KCNMB2: variants seen among roughly 807,000 people sequenced by gnomAD.
KCNMB2 encodes calcium-activated potassium channel subunit beta-2.
A neutral mutation model predicts 24.5 loss-of-function variants in KCNMB2; 9 were observed. That is an observed-to-expected ratio of 0.37 (90% CI 0.22 to 0.64). The LOEUF is 0.64. Ranked by LOEUF, KCNMB2 falls within the 30% of genes least tolerant of loss-of-function variation. The pLI is 0.63. For synonymous variants in KCNMB2, 109 were observed against 104.4 expected (o/e 1.04, Z -0.27); for missense variants, 226 against 284.3 (o/e 0.79, Z 1.47).
At chr3:178,720,227 A>G (rs1262289001) in intron 1 of KCNMB2, among the ~76,000 whole-genome samples, 1 of 151,538 alleles carries the variant, frequency 6.6e-6, no homozygotes, top group African/African-American at 2.4e-5. Flanking sequence ...GAGAACATGC[A>G]GTGTTTGGTT....
intron 1 of KCNMB2, among the ~76,000 whole-genome samples, chr3:178,732,926 G>A (rs934407727): frequency 6.6e-6 from 1 of 152,094 alleles, no homozygotes; most frequent in Non-Finnish European, 1.5e-5. Flanking sequence ...CATGACTCTG[G>A]GATTCACTTT....
intron 2 of KCNMB2, among the ~76,000 whole-genome samples, chr3:178,817,556 ACTG>A (rs1714458675): frequency 6.6e-6 from 1 of 152,196 alleles, no homozygotes; most frequent in Non-Finnish European, 1.5e-5. Context: ...AGCTGTGCTC[ACTG>A]AAGCTCTGAA....
chr3:178,638,998 A>G (rs1719627767), intron 1 of KCNMB2, among the ~76,000 whole-genome samples: 1 of 152,184 alleles, frequency 6.6e-6, no homozygotes. Flanking sequence ...TGGTAGCTAC[A>G]GATTTCATGT....
rs913317193 is a variant in KCNMB2, at chr3:178,680,984, A to C, written c.-67-126359A>C. ...CCAATCAGTAGAAGCTCCAGGAGGC[A>C]GATTGTGACTTTTCTCACAGTCAGA... On this transcript the variant is annotated intron_variant, in intron 1 of 4. Transcript: ENST00000452583. 2.0e-5 allele frequency among the ~76,000 whole-genome samples: 3 copies of C among 152,222 alleles called. No individual in the cohort carries two copies. In the East Asian group the frequency reaches 5.8e-4, roughly 29 times the overall value.
At chr3:178,819,467 A>T (rs921923758) in intron 2 of KCNMB2, among the ~76,000 whole-genome samples, 1 of 151,748 alleles carries the variant, frequency 6.6e-6, no homozygotes, top group Non-Finnish European at 1.5e-5. Context: ...CTTGTCCCAG[A>T]CACCCTCGGC....
intron 1 of KCNMB2, among the ~76,000 whole-genome samples, chr3:178,569,736 G>A (rs1716702457): frequency 6.6e-6 from 1 of 152,110 alleles, no homozygotes. Context: ...AAATATTTAG[G>A]ATAATGAATT....
At chr3:178,674,143 A>C (rs1720994967) in intron 1 of KCNMB2, among the ~76,000 whole-genome samples, 1 of 146,572 alleles carries the variant, frequency 6.8e-6, no homozygotes, top group Non-Finnish European at 1.5e-5. Context: ...CCCACTGGCC[A>C]CTCTCTTTCA....
chr3:178,636,267 T>C (rs1471024931), intron 1 of KCNMB2, among the ~76,000 whole-genome samples: 1 of 151,420 alleles, frequency 6.6e-6, no homozygotes, highest in Non-Finnish European at 1.5e-5. Context: ...GGGAGGGGAG[T>C]GAGGGATAAA....
At chr3:178,708,560 T>C (rs757775971) in intron 1 of KCNMB2, among the ~76,000 whole-genome samples, 3 of 152,060 alleles carry the variant, frequency 2.0e-5, no homozygotes, top group Non-Finnish European at 2.9e-5. Context: ...TATAGAAACC[T>C]CCATACCATA....
chr3:178,586,223 A>G, intron 1 of KCNMB2, among the ~76,000 whole-genome samples: 1 of 152,196 alleles, frequency 6.6e-6, no homozygotes, highest in South Asian at 2.1e-4. Context: ...GATTCCTTCC[A>G]TCTTTGACTT....
intron 1 of KCNMB2, among the ~76,000 whole-genome samples, chr3:178,722,285 G>A (rs980360415): frequency 5.3e-5 from 8 of 152,228 alleles, no homozygotes; most frequent in Non-Finnish European, 8.8e-5. Flanking sequence ...TAGCCTTGTT[G>A]AAAAGACTTG....
chr3:178,606,157 G>C (rs540086981), intron 1 of KCNMB2, among the ~76,000 whole-genome samples: 1 of 152,182 alleles, frequency 6.6e-6, no homozygotes, highest in Non-Finnish European at 1.5e-5. Context: ...TTATAGATAC[G>C]TTTTATAGTA....
intron 1 of KCNMB2, among the ~76,000 whole-genome samples, chr3:178,567,216 C>T (rs181586320): frequency 3.3e-4 from 50 of 152,094 alleles, no homozygotes; most frequent in African/African-American, 8.9e-4. Context: ...TGAGAGTACA[C>T]ATGTGTGAGA....
Position 178,787,910 on chromosome 3 carries a change from A to G in KCNMB2, c.-67-19433A>G, listed in dbSNP as rs1036528696. Among the ~76,000 whole-genome samples, 3 of 152,302 alleles carry G rather than the reference A, an allele frequency of 2.0e-5. No homozygotes were observed. In the East Asian group the frequency reaches 5.8e-4, roughly 29 times the overall value. ...AATGAACAGTTATGTGAACTGAGAA[A>G]ATTACTTAGTTTCCTGAAAATTAGT... On this transcript the variant is annotated intron_variant, in intron 1 of 4. Coordinates refer to ENST00000452583, the MANE Select transcript of KCNMB2 (RefSeq NM_181361.3).
chr3:178,788,241 G>A (rs940812674), intron 1 of KCNMB2, among the ~76,000 whole-genome samples: 1 of 152,110 alleles, frequency 6.6e-6, no homozygotes, highest in African/African-American at 2.4e-5. Flanking sequence ...CACAGTGAAG[G>A]TTTAACAATT....
At chr3:178,751,306 C>A (rs1400555081) in intron 1 of KCNMB2, among the ~76,000 whole-genome samples, 1 of 151,950 alleles carries the variant, frequency 6.6e-6, no homozygotes, top group Non-Finnish European at 1.5e-5. Context: ...TACAGCCAGG[C>A]ACAGTAGCTC....
At position 178,640,191 on chromosome 3, in the gene KCNMB2, G is replaced by A. The variant is rs138282524; in HGVS notation, c.-68+103480G>A. On this transcript the variant is annotated intron_variant, in intron 1 of 4. Transcript: ENST00000452583. ...ACTATCTCTATTGGTAACTGTATTCGTCCGTTTTCACACTGCTGTAAAGAA... is the reference window on the plus strand; with the variant it reads ...ACTATCTCTATTGGTAACTGTATTCATCCGTTTTCACACTGCTGTAAAGAA... Among the ~76,000 whole-genome samples the A allele has an allele frequency of 5.5e-3, 837 of 152,212 alleles. 3 individuals are homozygous for A. The highest frequency in any genetic ancestry group is 0.019 in the African/African-American group (775 of 41,550).
chr3:178,811,925 T>G (rs189820953), intron 2 of KCNMB2, among the ~76,000 whole-genome samples: 1 of 152,204 alleles, frequency 6.6e-6, no homozygotes, highest in African/African-American at 2.4e-5. Flanking sequence ...ATTGAGTATA[T>G]TTCCTTAGTC....
intron 1 of KCNMB2, among the ~76,000 whole-genome samples, chr3:178,768,464 T>G (rs1426201278): frequency 4.6e-5 from 7 of 152,168 alleles, no homozygotes; most frequent in Admixed American, 4.6e-4. Flanking sequence ...AAATTTATCA[T>G]GTACTCTAAA....
Sources: gnomAD v4.1 joint callset for allele counts (sites outside exome capture counted in the v4.1 genomes callset) on GRCh38, gnomAD v4.1.1 for gene constraint, MANE v1.5 for transcripts, NCBI Gene and HGNC (gene_info 2026-07-23, HGNC 2026-07-21) for gene names.